UPK1B: variants seen among roughly 807,000 people sequenced by gnomAD.
UPK1B encodes the protein uroplakin 1B, also known as uroplakin-1b.
A neutral mutation model predicts 34.2 loss-of-function variants in UPK1B; 28 were observed. The observed-to-expected ratio is 0.82, with a 90% confidence interval of 0.61 to 1.12. The LOEUF (loss-of-function observed/expected upper bound fraction) is 1.12. Ranked by LOEUF, UPK1B falls within the 50% of genes most tolerant of loss-of-function variation. The pLI, the probability that UPK1B is intolerant of heterozygous loss-of-function variation, is 0.00. For missense variants in UPK1B, 325 were observed against 320.9 expected (o/e 1.01, Z -0.10); for synonymous variants, 81 against 110.4 (o/e 0.73, Z 1.67).
intron 1 of UPK1B, among the ~76,000 whole-genome samples, chr3:119,178,718 T>C (rs1046521770): frequency 6.6e-6 from 1 of 152,208 alleles, no homozygotes; most frequent in Admixed American, 6.5e-5. Context: ...ATAGTAATTT[T>C]TCCTCAAATT....
At chr3:119,175,229 G>A (rs971979094) in intron 1 of UPK1B, among the ~76,000 whole-genome samples, 2 of 146,460 alleles carry the variant, frequency 1.4e-5, no homozygotes, top group African/African-American at 2.6e-5. Flanking sequence ...GGGTTTCACC[G>A]TGTTAGCCAA....
At chr3:119,203,646 C>CTGAGGGG (rs2078104204) in intron 7 of UPK1B, among the ~76,000 whole-genome samples, 1 of 152,208 alleles carries the variant, frequency 6.6e-6, no homozygotes, top group South Asian at 2.1e-4. Context: ...CCAGGGCCTG[C>CTGAGGGG]TGAGGGGTGA....
intron 4 of UPK1B, among the ~76,000 whole-genome samples, chr3:119,190,700 A>G (rs2078040015): frequency 6.6e-6 from 1 of 152,134 alleles, no homozygotes; most frequent in Admixed American, 6.5e-5. Flanking sequence ...CGTGCTCTCA[A>G]TTCTACATCT....
intron 1 of UPK1B, among the ~76,000 whole-genome samples, chr3:119,174,007 A>AC (rs1228305574): frequency 6.6e-6 from 1 of 151,928 alleles, no homozygotes; most frequent in Non-Finnish European, 1.5e-5. Flanking sequence ...ACCTTTGTAG[A>AC]CCCCCAATTT....
intron 6 of UPK1B, among the ~76,000 whole-genome samples, chr3:119,198,761 G>A (rs1449286136): frequency 1.3e-5 from 2 of 152,182 alleles, no homozygotes; most frequent in African/African-American, 2.4e-5. Flanking sequence ...TGAATTTATT[G>A]TCCACATATT....
chr3:119,203,346 A>C (rs1576874079), intron 7 of UPK1B, among the ~76,000 whole-genome samples: 2 of 80,662 alleles, frequency 2.5e-5, no homozygotes, highest in Non-Finnish European at 5.9e-5. Context: ...GTCTCAAAAA[A>C]AAAAAAAAAA....
At chr3:119,191,168 A>G in intron 5 of UPK1B, 64 bp downstream of exon 5, 2 of 1,567,490 alleles carry the variant, frequency 1.3e-6, no homozygotes, top group Non-Finnish European at 1.7e-6. Context: ...TGTCATACAC[A>G]TGACTCAGTG....
At chr3:119,177,892 T>C (rs138959986) in intron 1 of UPK1B, among the ~76,000 whole-genome samples, 92 of 152,294 alleles carry the variant, frequency 6.0e-4, no homozygotes, top group African/African-American at 1.8e-3. Flanking sequence ...CCTGGAGAGC[T>C]ATTTGCTATA....
chr3:119,175,019 T>A (rs1253585564), intron 1 of UPK1B, among the ~76,000 whole-genome samples: 1 of 17,184 alleles, frequency 5.8e-5, no homozygotes, highest in Admixed American at 4.8e-4. Flanking sequence ...TTTCTTTTTT[T>A]TTTTTTTTTT....
At chr3:119,186,067 TC>T (rs1181540251) in intron 1 of UPK1B, among the ~76,000 whole-genome samples, 5 of 152,174 alleles carry the variant, frequency 3.3e-5, no homozygotes, top group Non-Finnish European at 7.4e-5. Flanking sequence ...TGGAGCCTCC[TC>T]GCCTTTCTTC....
rs748037201 is a variant in UPK1B, at chr3:119,199,085, T to G, written c.677T>G (p.Met226Arg). 1 of 1,614,072 alleles carries G rather than the reference T, an allele frequency of 6.2e-7. No homozygotes were observed. The highest frequency in any genetic ancestry group is 8.5e-7 in the Non-Finnish European group (1 of 1,180,020). ...QGCYELISGP[M>R]NRHAWGVAWF... The stretch of plus-strand genomic sequence containing the variant: ...TGCTATGAACTGATCTCTGGTCCAA[T>G]GAACCGACACGCCTGGGGGGTTGCC... Residue 226 changes from methionine (M) to arginine (R), a missense_variant, in exon 7 of 8, where the codon ATG becomes AGG. Physicochemically the swap from Met to Arg is moderately conservative, Grantham distance 91. Coordinates refer to ENST00000264234, the MANE Select transcript of UPK1B (RefSeq NM_006952.4).
chr3:119,177,140 C>T (rs1422775513), intron 1 of UPK1B, among the ~76,000 whole-genome samples: 2 of 152,170 alleles, frequency 1.3e-5, no homozygotes, highest in African/African-American at 2.4e-5. Flanking sequence ...GAGTGAGTCT[C>T]AAATTGTGGC....
chr3:119,190,199 TTGAC>T, intron 3 of UPK1B, 42 bp from the exon 4 acceptor site: 1 of 1,451,486 alleles, frequency 6.9e-7, no homozygotes, highest in Non-Finnish European at 9.5e-7. Flanking sequence ...AAGTCGCTCT[TTGAC>T]GGGTAAATGT....
At chr3:119,182,829 T>C (rs1012665574) in intron 1 of UPK1B, among the ~76,000 whole-genome samples, 4 of 152,352 alleles carry the variant, frequency 2.6e-5, no homozygotes, top group African/African-American at 9.6e-5. Context: ...TAACCTCTCA[T>C]TGACTTGCAC....
chr3:119,193,881 T>C (rs2078054155), intron 5 of UPK1B, among the ~76,000 whole-genome samples: 1 of 152,326 alleles, frequency 6.6e-6, no homozygotes, highest in South Asian at 2.1e-4. Flanking sequence ...ACATTAAGTA[T>C]ATTAACTCAT....
At chr3:119,197,070 T>C (rs2078070981) in intron 6 of UPK1B, among the ~76,000 whole-genome samples, 1 of 152,166 alleles carries the variant, frequency 6.6e-6, no homozygotes, top group Admixed American at 6.5e-5. Context: ...TTGACAACCA[T>C]ATTGTAGGTT....
At chr3:119,190,907 CAG>C (rs922488618) in intron 4 of UPK1B, 73 bp from the exon 5 acceptor site, 15 of 1,579,712 alleles carry the variant, frequency 9.5e-6, no homozygotes, top group Admixed American at 1.7e-5. Flanking sequence ...CAGGAAAAGA[CAG>C]AGAAAAATAT....
At chr3:119,183,915 G>T (rs1259955407) in intron 1 of UPK1B, among the ~76,000 whole-genome samples, 1 of 152,118 alleles carries the variant, frequency 6.6e-6, no homozygotes, top group Non-Finnish European at 1.5e-5. Context: ...GATACCAAAG[G>T]CCTAAGGGAG....
In UPK1B at chr3:119,186,772, T is replaced by C. The variant is rs749242686; in HGVS notation, c.31T>C (p.Phe11Leu). 3.7e-6 allele frequency: 6 copies of C among 1,614,188 alleles called. No homozygotes were observed. The South Asian group carries it at 5.5e-5, about 15-fold the overall frequency. The change falls in exon 2 of 8, where the codon TTC becomes CTC. Residue 11 changes from phenylalanine to leucine, a missense_variant. By Grantham distance (22) the Phe-to-Leu change is conservative. Coordinates refer to ENST00000264234, the MANE Select transcript of UPK1B (RefSeq NM_006952.4). Reference sequence around the variant, plus strand: ...CAAAGACAACTCAACTGTTCGTTGCTTCCAGGGCCTGCTGATTTTTGGAAA... The same window carrying C: ...CAAAGACAACTCAACTGTTCGTTGCCTCCAGGGCCTGCTGATTTTTGGAAA... MAKDNSTVRC[F>L]QGLLIFGNVI...
Sources: allele counts gnomAD v4.1 joint callset (sites outside exome capture counted in the v4.1 genomes callset), GRCh38; gene constraint gnomAD v4.1.1; transcripts MANE v1.5; gene names NCBI Gene and HGNC (gene_info 2026-07-23, HGNC 2026-07-21).